C12orf60: variants seen among roughly 807,000 people sequenced by gnomAD.
The protein encoded by C12orf60 is chromosome 12 open reading frame 60.
For synonymous variants in C12orf60, 102 were observed against 94.6 expected, an observed-to-expected ratio of 1.08 and a Z score of -0.45; for missense variants, 284 against 283.2, an observed-to-expected ratio of 1.00 and a Z score of -0.02.
At chr12:14,822,278 GC>G (rs754679327) in intron 1 of C12orf60, among the ~76,000 whole-genome samples, 1 of 150,830 alleles carries the variant, frequency 6.6e-6, no homozygotes, top group Non-Finnish European at 1.5e-5. Flanking sequence ...CTGCCCTAGA[GC>G]CCAAGATGGG....
At chr12:14,806,565 A>G (rs1950054490) in intron 1 of C12orf60, 5 of 1,614,220 alleles carry the variant, frequency 3.1e-6, no homozygotes, top group Non-Finnish European at 4.2e-6. Context: ...AACCTCAGTC[A>G]GCTTATTGGT....
chr12:14,806,036 C>T, intron 1 of C12orf60: 1 of 1,613,804 alleles, frequency 6.2e-7, no homozygotes, highest in Non-Finnish European at 8.5e-7. Context: ...TATTGATGAC[C>T]TCAGTAATGG....
chr12:14,807,888 G>C (rs992388193), intron 1 of C12orf60, among the ~76,000 whole-genome samples: 1 of 152,186 alleles, frequency 6.6e-6, no homozygotes, highest in Non-Finnish European at 1.5e-5. Flanking sequence ...ATAAGGGGCC[G>C]GGCATGGTGG....
chr12:14,823,768 G>A lies in C12orf60; in HGVS notation c.*95G>A. ...TAAGATCTTTTGGTGCCAAACATGT[G>A]CTATGTTAGAACATAAGTACACAAA... On this transcript the variant is annotated 3_prime_UTR_variant, in exon 2 of 2. Transcript: ENST00000330828. The A allele has an allele frequency of 8.3e-7, 1 of 1,209,358 alleles. No individual in the cohort carries two copies. The highest frequency in any genetic ancestry group is 1.1e-6 in the Non-Finnish European group (1 of 888,690). 74.9% of individuals were successfully genotyped at this position (1,209,358 alleles called of 1,614,324 possible). A position where few individuals can be genotyped will look rare whatever the true frequency, so the allele number is the denominator to read the frequency against.
intron 1 of C12orf60, among the ~76,000 whole-genome samples, chr12:14,816,890 G>T (rs371794469): frequency 6.6e-6 from 1 of 151,810 alleles, no homozygotes; most frequent in Non-Finnish European, 1.5e-5. Context: ...GATTACAGGC[G>T]TGTGCCACAC....
chr12:14,804,058 C>T (rs528174488), intron 1 of C12orf60, among the ~76,000 whole-genome samples: 26 of 152,104 alleles, frequency 1.7e-4, no homozygotes, highest in Non-Finnish European at 3.7e-4. Flanking sequence ...ATTAGAGTCG[C>T]AGATTGCTTA....
intron 1 of C12orf60, among the ~76,000 whole-genome samples, chr12:14,822,069 T>C (rs1355087817): frequency 1.7e-5 from 2 of 119,520 alleles, no homozygotes; most frequent in Non-Finnish European, 3.3e-5. Flanking sequence ...ACGCTCGAAG[T>C]CAAAAGTGTT....
At chr12:14,811,004 T>C (rs1051411043) in intron 1 of C12orf60, among the ~76,000 whole-genome samples, 2 of 152,236 alleles carry the variant, frequency 1.3e-5, no homozygotes, top group Non-Finnish European at 2.9e-5. Flanking sequence ...TTTCTCCATC[T>C]TATTCCATTT....
chr12:14,807,683 A>G (rs551793034), intron 1 of C12orf60, among the ~76,000 whole-genome samples: 51 of 152,318 alleles, frequency 3.3e-4, no homozygotes, highest in African/African-American at 1.1e-3. Flanking sequence ...CTTTGGATTA[A>G]AATTTCATGT....
At chr12:14,805,081 C>T (rs1245900081) in intron 1 of C12orf60, 2 of 152,090 alleles carry the variant, frequency 1.3e-5, no homozygotes, top group Admixed American at 6.6e-5. Context: ...GTGAAATGGC[C>T]CACCTAATGC....
intron 1 of C12orf60, among the ~76,000 whole-genome samples, chr12:14,811,382 T>G (rs1188417935): frequency 6.6e-6 from 1 of 152,160 alleles, no homozygotes; most frequent in African/African-American, 2.4e-5. Context: ...CTCTACACAT[T>G]TGGGCTCTGG....
intron 1 of C12orf60, among the ~76,000 whole-genome samples, chr12:14,810,135 G>A (rs1452987397): frequency 6.6e-6 from 1 of 152,134 alleles, no homozygotes; most frequent in Admixed American, 6.5e-5. Flanking sequence ...TTTATTCTGA[G>A]TCAGACTTAC....
At chr12:14,808,944 C>G (rs767835701) in intron 1 of C12orf60, among the ~76,000 whole-genome samples, 3 of 152,172 alleles carry the variant, frequency 2.0e-5, no homozygotes, top group Non-Finnish European at 4.4e-5. Flanking sequence ...ATTTGCTAAG[C>G]ACAGATTTGG....
chr12:14,819,780 T>C (rs892501713), intron 1 of C12orf60, among the ~76,000 whole-genome samples: 8 of 152,124 alleles, frequency 5.3e-5, no homozygotes, highest in Non-Finnish European at 1.2e-4. Flanking sequence ...CTTGTTTAGT[T>C]TGATTTTTTA....
At position 14,804,186 on chromosome 12, in the gene C12orf60, G is replaced by T. The variant is rs146776747; in HGVS notation, c.-25+435G>T. On this transcript the variant is annotated intron_variant, in intron 1 of 1. Coordinates refer to ENST00000330828, the MANE Select transcript of C12orf60 (RefSeq NM_175874.4). ...GTTGATATATATTGGCTATATTCCCGACTGGTCTTTTCACCAGCCAAAAGT... is the reference window on the plus strand; with the variant it reads ...GTTGATATATATTGGCTATATTCCCTACTGGTCTTTTCACCAGCCAAAAGT... Among the ~76,000 whole-genome samples the T allele has an allele frequency of 4.0e-3, 608 of 152,204 alleles. 8 individuals carry two copies. Among genetic ancestry groups the T allele is most frequent in the African/African-American group, 0.014 (579 of 41,516 alleles).
intron 1 of C12orf60, among the ~76,000 whole-genome samples, chr12:14,819,697 T>C (rs1322140113): frequency 6.6e-6 from 1 of 152,160 alleles, no homozygotes; most frequent in African/African-American, 2.4e-5. Flanking sequence ...TTGCTAAGAA[T>C]TTTTATTATT....
intron 1 of C12orf60, chr12:14,805,931 C>G: frequency 2.1e-6 from 3 of 1,426,582 alleles, no homozygotes; most frequent in Non-Finnish European, 1.9e-6. Flanking sequence ...GAAAATGAAC[C>G]TAATCAAAGA....
chr12:14,819,650 C>G (rs892361880), intron 1 of C12orf60, among the ~76,000 whole-genome samples: 1 of 151,996 alleles, frequency 6.6e-6, no homozygotes, highest in Non-Finnish European at 1.5e-5. Flanking sequence ...TTTGTAAGAG[C>G]CCTCTATGAT....
chr12:14,820,121 CTATTA>C (rs1303235779), intron 1 of C12orf60, among the ~76,000 whole-genome samples: 2 of 151,730 alleles, frequency 1.3e-5, no homozygotes, highest in East Asian at 3.9e-4. Context: ...GGGAATAGGC[CTATTA>C]TATTTAGACT....
Sources: allele counts gnomAD v4.1 joint callset (sites outside exome capture counted in the v4.1 genomes callset), GRCh38; gene constraint gnomAD v4.1.1; transcripts MANE v1.5; gene names NCBI Gene and HGNC (gene_info 2026-07-23, HGNC 2026-07-21).